Variants in CSMD1 observed in about 807,000 individuals in gnomAD.
CSMD1 encodes the protein CUB and sushi domain-containing protein 1.
CSMD1 carries 213 observed loss-of-function variants against 417.5 expected under a neutral mutation model. The observed-to-expected ratio is 0.51, with a 90% CI of 0.46 to 0.57. The LOEUF is 0.57. Among genes scored for constraint, CSMD1 ranks in the 20% least tolerant of loss-of-function variants. The probability of loss-of-function intolerance (pLI) is 0.00; values close to 1 mark genes in which losing one functional copy is unlikely to be tolerated. For synonymous variants in CSMD1, 2,862 were observed against 1,736.8 expected, an observed-to-expected ratio of 1.65 and a Z score of -16.11; for missense variants, 6,923 against 4,529.7, an observed-to-expected ratio of 1.53 and a Z score of -15.17.
chr8:3,875,420 G>C (rs1289742718), intron 5 of CSMD1, among the ~76,000 whole-genome samples: 1 of 152,158 alleles, frequency 6.6e-6, no homozygotes, highest in Non-Finnish European at 1.5e-5. Context: ...GATTGGAGGA[G>C]TTCCTGCAGG....
intron 3 of CSMD1, among the ~76,000 whole-genome samples, chr8:4,335,411 T>C (rs1563067570): frequency 6.6e-6 from 1 of 152,128 alleles, no homozygotes; most frequent in Admixed American, 6.6e-5. Context: ...GCACCATCTC[T>C]TTCTGAAACA....
chr8:3,471,259 T>C (rs1329491113), intron 11 of CSMD1, among the ~76,000 whole-genome samples: 1 of 152,194 alleles, frequency 6.6e-6, no homozygotes, highest in African/African-American at 2.4e-5. Flanking sequence ...ATGGGTTTAT[T>C]TGCCATTTAT....
chr8:3,136,100 C>A (rs937598312), intron 41 of CSMD1, among the ~76,000 whole-genome samples: 3 of 152,230 alleles, frequency 2.0e-5, no homozygotes, highest in African/African-American at 4.8e-5. Context: ...CTTTGTCCCC[C>A]CCTCATGCAT....
At chr8:3,505,730 G>A (rs1796796697) in intron 10 of CSMD1, among the ~76,000 whole-genome samples, 2 of 152,176 alleles carry the variant, frequency 1.3e-5, no homozygotes, top group Admixed American at 6.5e-5. Context: ...AAGGGAAAAC[G>A]ATGTTCTGCT....
At chr8:3,275,313 G>C (rs1457999488) in intron 26 of CSMD1, among the ~76,000 whole-genome samples, 1 of 152,030 alleles carries the variant, frequency 6.6e-6, no homozygotes, top group Non-Finnish European at 1.5e-5. Flanking sequence ...TAGTCTGATG[G>C]GCTTCCCTTT....
At chr8:4,688,537 A>C (rs943192008) in intron 1 of CSMD1, among the ~76,000 whole-genome samples, 1 of 152,192 alleles carries the variant, frequency 6.6e-6, no homozygotes, top group Non-Finnish European at 1.5e-5. Context: ...AAATTCTCCA[A>C]AATGGCTCTT....
rs191848131 is a variant in CSMD1, at chr8:4,438,471, C to G, written c.303-18406G>C. ...GTTAACTGGGACATGTGGCAATGGA[C>G]CAACGCTTGGGTTCCACAGCACCTG... is the stretch of plus-strand genomic sequence containing the variant. On this transcript the variant is annotated intron_variant, in intron 2 of 69. Transcript: ENST00000635120. Among the ~76,000 whole-genome samples the G allele has an allele frequency of 4.1e-4, 62 of 152,282 alleles. 1 individual carries two copies. Among genetic ancestry groups the G allele is most frequent in the South Asian group, 2.5e-3 (12 of 4,822 alleles).
At chr8:4,639,602 GT>G (rs1803072290) in intron 1 of CSMD1, among the ~76,000 whole-genome samples, 1 of 152,194 alleles carries the variant, frequency 6.6e-6, no homozygotes, top group Non-Finnish European at 1.5e-5. Context: ...TATTGAGAAA[GT>G]TTTGAAGGGA....
chr8:3,520,047 T>G (rs1323565556), intron 10 of CSMD1, among the ~76,000 whole-genome samples: 4 of 148,788 alleles, frequency 2.7e-5, no homozygotes, highest in African/African-American at 7.6e-5. Flanking sequence ...TATACACGTA[T>G]AGTTGTGAAA....
intron 3 of CSMD1, among the ~76,000 whole-genome samples, chr8:4,067,619 A>C (rs1320425160): frequency 1.3e-5 from 2 of 152,170 alleles, no homozygotes; most frequent in African/African-American, 4.8e-5. Context: ...ATTCATCCAA[A>C]ATGACCCTAC....
chr8:3,056,751 T>G (rs1224195692), intron 49 of CSMD1, among the ~76,000 whole-genome samples: 1 of 136,414 alleles, frequency 7.3e-6, no homozygotes, highest in Admixed American at 7.4e-5. Flanking sequence ...TGAATATGTA[T>G]ATATAACTTT....
chr8:3,349,204 T>C (rs1274977692), intron 21 of CSMD1, among the ~76,000 whole-genome samples: 1 of 152,216 alleles, frequency 6.6e-6, no homozygotes, highest in East Asian at 1.9e-4. Context: ...GTATTCCTTT[T>C]CCACTGGGTT....
intron 9 of CSMD1, among the ~76,000 whole-genome samples, chr8:3,581,896 C>T (rs185708401): frequency 2.0e-5 from 3 of 152,250 alleles, no homozygotes; most frequent in East Asian, 1.9e-4. Flanking sequence ...CCGCCACCTT[C>T]GAGATTCAAG....
At chr8:4,366,727 CTT>C (rs903602436) in intron 3 of CSMD1, among the ~76,000 whole-genome samples, 97 of 151,960 alleles carry the variant, frequency 6.4e-4, no homozygotes, top group African/African-American at 2.2e-3. Context: ...TATTATTAGA[CTT>C]TAAGTTTTAG....
At chr8:3,956,994 A>T (rs777702310) in intron 5 of CSMD1, among the ~76,000 whole-genome samples, 2 of 152,230 alleles carry the variant, frequency 1.3e-5, no homozygotes, top group Non-Finnish European at 2.9e-5. Flanking sequence ...TGGGCCCTAA[A>T]AAATGAAACC....
chr8:3,852,319 G>C (rs970735753), intron 5 of CSMD1, among the ~76,000 whole-genome samples: 1 of 152,052 alleles, frequency 6.6e-6, no homozygotes, highest in African/African-American at 2.4e-5. Flanking sequence ...GGTTTGTAGG[G>C]AGCAAGGGAG....
chr8:4,702,783 A>G (rs1807662934), intron 1 of CSMD1, among the ~76,000 whole-genome samples: 1 of 152,192 alleles, frequency 6.6e-6, no homozygotes, highest in Admixed American at 6.5e-5. Flanking sequence ...GGAAAATGTT[A>G]GGTAGCAAAA....
Position 3,853,253 on chromosome 8 carries a change from G to T in CSMD1, c.819-99211C>A, listed in dbSNP as rs56373952. ...TTCCTTTTGGGGATTCATTCCTGAGGCTCAGGAGAAAGCTGTGAGTTTTCT... is the reference window on the plus strand; with the variant it reads ...TTCCTTTTGGGGATTCATTCCTGAGTCTCAGGAGAAAGCTGTGAGTTTTCT... On this transcript the variant is annotated intron_variant, in intron 5 of 69. Transcript: ENST00000635120. Among the ~76,000 whole-genome samples the T allele has an allele frequency of 1.1e-3, 172 of 152,266 alleles. 1 individual carries two copies. Among genetic ancestry groups the T allele is most frequent in the African/African-American group, 3.5e-3 (144 of 41,548 alleles).
intron 2 of CSMD1, among the ~76,000 whole-genome samples, chr8:4,578,332 A>ATTTTTCTTTTTTTTTTTTTTTTTTTT (rs1799238990): frequency 4.1e-5 from 2 of 48,776 alleles, no homozygotes; most frequent in African/African-American, 1.5e-4. Context: ...CACCCGGCTC[A>ATTTTTCTTTTTTTTTTTTTTTTTTTT]TTTTTTTTTT....
Sources: allele counts gnomAD v4.1 joint callset (sites outside exome capture counted in the v4.1 genomes callset), GRCh38; gene constraint gnomAD v4.1.1; transcripts MANE v1.5; gene names NCBI Gene and HGNC (gene_info 2026-07-23, HGNC 2026-07-21).